Variants in LAMA1 observed in about 807,000 individuals in gnomAD.
The protein encoded by LAMA1 is laminin subunit alpha 1, also known as laminin subunit alpha-1.
LAMA1 carries 219 observed loss-of-function variants against 348.7 expected under a neutral mutation model. The observed-to-expected ratio is 0.63, with a 90% CI of 0.56 to 0.70. The LOEUF (loss-of-function observed/expected upper bound fraction) is 0.70, where lower values mean the gene tolerates loss of function less well. Among genes scored for constraint, LAMA1 ranks in the 30% least tolerant of loss-of-function variants. The pLI is 0.00. For synonymous variants in LAMA1, 1,487 were observed against 1,491.0 expected, an observed-to-expected ratio of 1.00 and a Z score of 0.06; for missense variants, 3,744 against 3,888.0, an observed-to-expected ratio of 0.96 and a Z score of 0.99.
chr18:7,032,881 G>A, intron 15 of LAMA1, 103 bp downstream of exon 15: 1 of 865,156 alleles, frequency 1.2e-6, no homozygotes, highest in Non-Finnish European at 1.9e-6. Context: ...ACATTGGGCT[G>A]CTAAAGCTAA....
rs187974111 is a variant in LAMA1, at chr18:6,955,831, C to T, written c.8095-366G>A. The stretch of plus-strand genomic sequence containing the variant: ...GGGAATGGCCCTAAGGATGCAGCTG[C>T]CGAGACGAGCTGCGGACCAGGCACT... On this transcript the variant is annotated intron_variant, in intron 56 of 62. Transcript: ENST00000389658. 2.5e-3 allele frequency: 935 copies of T among 367,384 alleles called. 5 individuals carry two copies. The highest frequency in any genetic ancestry group is 3.3e-3 in the Non-Finnish European group (619 of 189,280). The allele number at this position is 367,384 out of a possible 1,614,324, so 22.8% of individuals were successfully genotyped here.
At chr18:6,942,884 CCCTAAAA>C (rs1336774581) in intron 62 of LAMA1, among the ~76,000 whole-genome samples, 5 of 152,124 alleles carry the variant, frequency 3.3e-5, no homozygotes, top group Admixed American at 1.3e-4. Flanking sequence ...GATTCCCTAG[CCCTAAAA>C]TGACTCCCAA....
rs202206565 is a variant in LAMA1 at position 7,080,269 on chromosome 18, T to G, written c.232+18A>C. The G allele has an allele frequency of 2.2e-5, 35 of 1,613,824 alleles. No individual in the cohort carries two copies. The highest frequency in any genetic ancestry group is 1.5e-4 in the African/African-American group (11 of 75,026). On this transcript the variant is annotated intron_variant, in intron 2 of 62. Coordinates refer to ENST00000389658, the MANE Select transcript of LAMA1 (RefSeq NM_005559.4). ...TACATTCCCATGGGAATTTCAGAAA[T>G]AAAGGCGCGACACTTGCCTCTGGGG...
rs570048987 is a variant in LAMA1, at chr18:7,002,881, C to A, written c.4261-496G>T. Among the ~76,000 whole-genome samples, 3 of 135,204 alleles carry A rather than the reference C, an allele frequency of 2.2e-5. No homozygotes were observed. The South Asian group carries it at 6.6e-4, about 30-fold the overall frequency. The allele number at this position is 135,204 out of a possible 152,430, so 88.7% of individuals were successfully genotyped here. On this transcript the variant is annotated intron_variant, in intron 29 of 62. Coordinates refer to ENST00000389658, the MANE Select transcript of LAMA1 (RefSeq NM_005559.4). ...CAACTAACTTCCAGTTAATTTTTTT[C>A]TTTCTTTTTTTTTTTTAAGGACGAG...
At chr18:6,977,556 T>C (rs2057687994) in intron 44 of LAMA1, among the ~76,000 whole-genome samples, 171 bp downstream of exon 44, 1 of 152,250 alleles carries the variant, frequency 6.6e-6, no homozygotes, top group South Asian at 2.1e-4. Flanking sequence ...AAGCTAGTTA[T>C]TGGCTTTAAA....
chr18:7,069,424 T>G (rs2058136995), intron 3 of LAMA1, among the ~76,000 whole-genome samples: 1 of 152,172 alleles, frequency 6.6e-6, no homozygotes, highest in Admixed American at 6.5e-5. Flanking sequence ...AGAAAGACCC[T>G]TTCAGAAGGC....
intron 14 of LAMA1, 94 bp downstream of exon 14, chr18:7,034,385 T>A (rs1333528358): frequency 4.4e-6 from 4 of 902,816 alleles, no homozygotes; most frequent in Admixed American, 2.0e-5. Context: ...ATATAATGAA[T>A]GTAAAATACG....
At position 7,049,371 on chromosome 18, in the gene LAMA1, C is replaced by T. The variant is rs140332791; in HGVS notation, c.589-114G>A. On this transcript the variant is annotated intron_variant, in intron 4 of 62. Coordinates refer to ENST00000389658, the MANE Select transcript of LAMA1 (RefSeq NM_005559.4). ...CTGGAGTGCAGTGGCACAATCTTGG[C>T]TCACTGTAACCTCCACCTCCCAGGT... The T allele has an allele frequency of 9.0e-5, 82 of 909,954 alleles. 1 individual carries two copies. In the African/African-American group the frequency reaches 9.8e-4, roughly 11 times the overall value. 56.4% of individuals were successfully genotyped at this position (909,954 alleles called of 1,614,324 possible). A position where few individuals can be genotyped will look rare whatever the true frequency, so the allele number is the denominator to read the frequency against.
At chr18:6,975,147 A>C (rs2057676160) in intron 45 of LAMA1, 111 bp from the exon 46 acceptor site, 5 of 1,296,564 alleles carry the variant, frequency 3.9e-6, no homozygotes, top group Non-Finnish European at 1.0e-6. Context: ...CTTAAAAATA[A>C]ATACATAAAA....
intron 19 of LAMA1, among the ~76,000 whole-genome samples, chr18:7,019,697 T>TTC (rs2057906816): frequency 7.2e-6 from 1 of 139,750 alleles, no homozygotes; most frequent in Non-Finnish European, 1.5e-5. Context: ...TTTTTTTTTT[T>TTC]TTGAGACAGG....
intron 5 of LAMA1, among the ~76,000 whole-genome samples, chr18:7,046,792 T>A (rs1425308263): frequency 6.6e-6 from 1 of 152,214 alleles, no homozygotes; most frequent in Non-Finnish European, 1.5e-5. Context: ...AGTGCTTTCC[T>A]CTGAAGAAAT....
At chr18:6,981,058 G>A (rs1461969298) in intron 41 of LAMA1, among the ~76,000 whole-genome samples, 6 of 151,370 alleles carry the variant, frequency 4.0e-5, no homozygotes, top group African/African-American at 7.3e-5. Context: ...AGCTGAGATC[G>A]TGCCACTGCA....
At chr18:6,968,476 T>C (rs1430471624) in intron 48 of LAMA1, among the ~76,000 whole-genome samples, 1 of 152,180 alleles carries the variant, frequency 6.6e-6, no homozygotes, top group Non-Finnish European at 1.5e-5. Context: ...CGCCATGAGA[T>C]GTCTGAGGAC....
chr18:6,967,791 A>G (rs1209018427), intron 48 of LAMA1, among the ~76,000 whole-genome samples: 1 of 152,118 alleles, frequency 6.6e-6, no homozygotes, highest in African/African-American at 2.4e-5. Context: ...TTCCCTCTCC[A>G]GAGCCCGTGA....
intron 3 of LAMA1, among the ~76,000 whole-genome samples, chr18:7,077,479 A>G (rs1388593332): frequency 6.6e-6 from 1 of 152,080 alleles, no homozygotes; most frequent in African/African-American, 2.4e-5. Flanking sequence ...TGCTGGGATT[A>G]CAGGCATGAG....
At chr18:6,955,832 C>T (rs550336762) in intron 56 of LAMA1, 107 of 365,902 alleles carry the variant, frequency 2.9e-4, no homozygotes, top group East Asian at 9.7e-4. Context: ...ATGCAGCTGC[C>T]GAGACGAGCT....
chr18:7,026,944 A>G (rs2057946370), intron 16 of LAMA1, among the ~76,000 whole-genome samples: 2 of 151,676 alleles, frequency 1.3e-5, no homozygotes. Context: ...TAGTCAGCTG[A>G]GATGGCGCCA....
At chr18:6,942,357 T>C (rs2143956475) in intron 62 of LAMA1, 118 bp from the exon 63 acceptor site, 3 of 1,070,300 alleles carry the variant, frequency 2.8e-6, no homozygotes, top group Non-Finnish European at 4.0e-6. Flanking sequence ...TTTTTCACTA[T>C]CAAAATTAGG....
In LAMA1 at chr18:6,959,490, G is replaced by T; in HGVS notation, c.7629C>A (p.Pro2543=). The change falls in exon 54 of 63, where the codon CCC becomes CCA. Residue 2543 remains proline, a splice_region_variant and synonymous_variant. Coordinates refer to ENST00000389658, the MANE Select transcript of LAMA1 (RefSeq NM_005559.4). ...CTCCGATCAGCATGACGGAAAAGAA[G>T]GGCTGGGGAGGTTGCATAGAGAATT... ...KRGDREEAHV[P]FFSVMLIGGN... is the part of the protein sequence containing the mutation. 6.2e-7 allele frequency: 1 copy of T among 1,614,146 alleles called. No homozygotes were observed. Among genetic ancestry groups the T allele is most frequent in the Non-Finnish European group, 8.5e-7 (1 of 1,180,028 alleles).
Sources: allele counts gnomAD v4.1 joint callset (sites outside exome capture counted in the v4.1 genomes callset), GRCh38; gene constraint gnomAD v4.1.1; transcripts MANE v1.5; gene names NCBI Gene and HGNC (gene_info 2026-07-23, HGNC 2026-07-21).